The following SLC44A5 variants were observed in gnomAD, a reference collection of about 807,000 sequenced individuals.
SLC44A5 encodes the protein choline transporter-like protein 5.
Under a neutral mutation model 101.8 loss-of-function variants are expected in SLC44A5, and 57 were observed. The observed-to-expected ratio is 0.56, with a 90% CI of 0.45 to 0.70. The LOEUF is 0.70. Ranked by LOEUF, SLC44A5 falls within the 30% of genes least tolerant of loss-of-function variation. SLC44A5 has a pLI of 0.00. For synonymous variants in SLC44A5, 281 were observed against 290.9 expected (o/e 0.97, Z 0.35); for missense variants, 737 against 853.1 (o/e 0.86, Z 1.70).
At chr1:75,481,771 A>T (rs1013485298) in intron 2 of SLC44A5, among the ~76,000 whole-genome samples, 4 of 152,200 alleles carry the variant, frequency 2.6e-5, no homozygotes, top group African/African-American at 9.7e-5. Context: ...GCTGGAGAAG[A>T]TGTGGAGAAA....
At chr1:75,641,444 A>G in the SLC44A5 span, 9 of 1,322,758 alleles carry the variant, frequency 6.8e-6, no homozygotes, top group Middle Eastern at 1.9e-4. Context: ...TCTACTGCCA[A>G]TCTTTCTAAA....
At chr1:75,356,467 G>T (rs1659084134) in intron 3 of SLC44A5, among the ~76,000 whole-genome samples, 1 of 151,644 alleles carries the variant, frequency 6.6e-6, no homozygotes, top group South Asian at 2.1e-4. Context: ...AGGATATAAA[G>T]AAAGAAAATT....
At chr1:75,319,908 A>G (rs1270384514) in intron 4 of SLC44A5, among the ~76,000 whole-genome samples, 4 of 152,120 alleles carry the variant, frequency 2.6e-5, no homozygotes, top group African/African-American at 9.6e-5. Context: ...AAATATTCTT[A>G]TTTCATTTTC....
At chr1:75,476,588 C>T (rs1386492918) in intron 2 of SLC44A5, among the ~76,000 whole-genome samples, 1 of 152,202 alleles carries the variant, frequency 6.6e-6, no homozygotes, top group African/African-American at 2.4e-5. Context: ...AACAGTGCAC[C>T]AGGAGATTAT....
At chr1:75,700,801 G>T in the SLC44A5 span, among the ~76,000 whole-genome samples, 1 of 152,002 alleles carries the variant, frequency 6.6e-6, no homozygotes, top group Non-Finnish European at 1.5e-5. Context: ...TCAAATACAT[G>T]CAATAAAAAA....
At chr1:75,290,023 A>C (rs1288260810) in intron 5 of SLC44A5, among the ~76,000 whole-genome samples, 4 of 152,234 alleles carry the variant, frequency 2.6e-5, no homozygotes, top group African/African-American at 9.6e-5. Context: ...TCAAGATGGA[A>C]ACCACTCATT....
intron 2 of SLC44A5, among the ~76,000 whole-genome samples, chr1:75,409,481 CCT>C (rs1199172230): frequency 6.6e-6 from 1 of 151,870 alleles, no homozygotes; most frequent in Non-Finnish European, 1.5e-5. Flanking sequence ...CTAGTGCTAC[CCT>C]GTTAGAACAG....
intron 2 of SLC44A5, among the ~76,000 whole-genome samples, chr1:75,508,469 C>A (rs1669389473): frequency 6.6e-6 from 1 of 152,004 alleles, no homozygotes; most frequent in African/African-American, 2.4e-5. Context: ...AAACTAACCC[C>A]AATGCTAGCA....
At chr1:75,281,636 G>GGCCCC (rs1652570371) in intron 5 of SLC44A5, among the ~76,000 whole-genome samples, 1 of 49,458 alleles carries the variant, frequency 2.0e-5, no homozygotes, top group African/African-American at 5.5e-5. Context: ...CTGGTGCCAG[G>GGCCCC]CCCCCCCCCC....
the SLC44A5 span, among the ~76,000 whole-genome samples, chr1:75,655,335 G>C: frequency 3.9e-5 from 6 of 152,298 alleles, no homozygotes; most frequent in South Asian, 4.1e-4. Context: ...GCAGCACCAG[G>C]AAGAATTCTT....
At chr1:75,263,189 A>C (rs1650684318) in intron 6 of SLC44A5, among the ~76,000 whole-genome samples, 1 of 152,178 alleles carries the variant, frequency 6.6e-6, no homozygotes, top group South Asian at 2.1e-4. Context: ...CAGAGTGAAC[A>C]AGCAACCGAC....
intron 9 of SLC44A5, among the ~76,000 whole-genome samples, chr1:75,239,871 C>T (rs570185458): frequency 7.2e-5 from 11 of 152,134 alleles, no homozygotes; most frequent in Non-Finnish European, 5.9e-5. Flanking sequence ...TTAACTTTTT[C>T]GAGCCTTTGA....
chr1:75,345,159 C>G (rs1476198128), intron 3 of SLC44A5, among the ~76,000 whole-genome samples: 2 of 150,500 alleles, frequency 1.3e-5, no homozygotes, highest in Non-Finnish European at 2.9e-5. Flanking sequence ...TTAATAGACT[C>G]CTAGAAGTGC....
intron 1 of SLC44A5, among the ~76,000 whole-genome samples, chr1:75,573,651 A>T (rs747466165): frequency 2.0e-5 from 3 of 152,212 alleles, no homozygotes; most frequent in Non-Finnish European, 4.4e-5. Flanking sequence ...GATTATACAC[A>T]GGGAGCGTAA....
intron 2 of SLC44A5, among the ~76,000 whole-genome samples, chr1:75,437,237 A>G (rs1664943008): frequency 6.6e-6 from 1 of 152,122 alleles, no homozygotes; most frequent in South Asian, 2.1e-4. Flanking sequence ...TATGTGCTAT[A>G]TTTTTATACA....
intron 1 of SLC44A5, among the ~76,000 whole-genome samples, chr1:75,549,736 C>G (rs1410193267): frequency 6.6e-6 from 1 of 152,060 alleles, no homozygotes; most frequent in Non-Finnish European, 1.5e-5. Context: ...CCAGTTTAGT[C>G]AGGGAAAAGT....
intron 2 of SLC44A5, among the ~76,000 whole-genome samples, chr1:75,465,408 T>C (rs1345432742): frequency 6.6e-6 from 1 of 152,014 alleles, no homozygotes; most frequent in Non-Finnish European, 1.5e-5. Flanking sequence ...GCAAAAGCAG[T>C]ACTCATACAT....
intron 2 of SLC44A5, among the ~76,000 whole-genome samples, chr1:75,498,112 T>C (rs898575496): frequency 3.3e-5 from 5 of 152,168 alleles, no homozygotes; most frequent in Non-Finnish European, 7.4e-5. Flanking sequence ...TAAGACTTTT[T>C]CAAAATTAAG....
chr1:75,396,817 C>A (rs893991549), intron 2 of SLC44A5, among the ~76,000 whole-genome samples, 196 bp from the exon 3 acceptor site: 2 of 151,962 alleles, frequency 1.3e-5, no homozygotes, highest in Non-Finnish European at 2.9e-5. Flanking sequence ...TAAGAAGTTA[C>A]CAAAAAAATA....
Sources: allele counts gnomAD v4.1 joint callset (sites outside exome capture counted in the v4.1 genomes callset), GRCh38; gene constraint gnomAD v4.1.1; transcripts MANE v1.5; gene names NCBI Gene and HGNC (gene_info 2026-07-23, HGNC 2026-07-21).